Variants in ERCC6L2 observed in about 807,000 individuals in gnomAD.
ERCC6L2 encodes the protein DNA excision repair protein ERCC-6-like 2.
A neutral mutation model predicts 132.0 loss-of-function variants in ERCC6L2; 77 were observed. That is an observed-to-expected ratio of 0.58 (90% CI 0.49 to 0.71). The LOEUF is 0.71. Ranked by LOEUF, ERCC6L2 falls within the 30% of genes least tolerant of loss-of-function variation. The pLI, the probability that ERCC6L2 is intolerant of heterozygous loss-of-function variation, is 0.00. For synonymous variants in ERCC6L2, 583 were observed against 632.4 expected, an observed-to-expected ratio of 0.92 and a Z score of 1.17; for missense variants, 1,542 against 1,837.6, an observed-to-expected ratio of 0.84 and a Z score of 2.94.
At position 95,972,253 on chromosome 9, in the gene ERCC6L2, T is replaced by C. The variant is rs1328244990; in HGVS notation, c.2502T>C (p.Ala834=). 3.8e-6 allele frequency: 5 copies of C among 1,303,940 alleles called. No homozygotes were observed. The highest frequency in any genetic ancestry group is 5.5e-5 in the East Asian group (1 of 18,040). 80.8% of individuals were successfully genotyped at this position (1,303,940 alleles called of 1,614,324 possible). ...GCCTTTCAACAGAAGCCAAAGATGCTGGTTGTGAGAAAAATCAGGACTCTC... is the reference window on the plus strand; with the variant it reads ...GCCTTTCAACAGAAGCCAAAGATGCCGGTTGTGAGAAAAATCAGGACTCTC... ...PTCLSTEAKD[A]GCEKNQDSLG... The change falls in exon 16 of 19, where the codon GCT becomes GCC. Residue 834 remains alanine, a synonymous_variant. Transcript: ENST00000653738.
At chr9:95,978,430 T>G (rs1304352915) in intron 17 of ERCC6L2, among the ~76,000 whole-genome samples, 1 of 152,168 alleles carries the variant, frequency 6.6e-6, no homozygotes, top group Non-Finnish European at 1.5e-5. Context: ...CTAATCATGT[T>G]GAGTTGCTTA....
intron 18 of ERCC6L2, chr9:96,004,907 A>G (rs1833814997): frequency 2.9e-6 from 1 of 339,282 alleles, no homozygotes. Flanking sequence ...AAGGGAAATC[A>G]TGTTATACAA....
At chr9:96,008,554 A>G (rs868145389) in intron 18 of ERCC6L2, among the ~76,000 whole-genome samples, 7 of 152,336 alleles carry the variant, frequency 4.6e-5, no homozygotes, top group Admixed American at 6.5e-5. Flanking sequence ...TCGTCCTTCA[A>G]TGCTCATGAA....
At chr9:95,984,325 G>T (rs1036603125) in intron 17 of ERCC6L2, among the ~76,000 whole-genome samples, 1 of 149,366 alleles carries the variant, frequency 6.7e-6, no homozygotes, top group Non-Finnish European at 1.5e-5. Flanking sequence ...TATTATATGT[G>T]TATATATATA....
At chr9:95,954,811 T>A in intron 12 of ERCC6L2, 1 of 471,176 alleles carries the variant, frequency 2.1e-6, no homozygotes, top group Non-Finnish European at 4.4e-6. Flanking sequence ...GAGAATGCAG[T>A]ACCTTACCCC....
intron 17 of ERCC6L2, among the ~76,000 whole-genome samples, chr9:95,997,267 C>G (rs1833503565): frequency 1.3e-5 from 2 of 152,100 alleles, no homozygotes; most frequent in African/African-American, 4.8e-5. Context: ...AAGTTGATTC[C>G]AGCCCTCATG....
intron 13 of ERCC6L2, among the ~76,000 whole-genome samples, chr9:95,964,585 A>G (rs1832067047): frequency 6.6e-6 from 1 of 152,204 alleles, no homozygotes; most frequent in Non-Finnish European, 1.5e-5. Context: ...AAGATGCCAC[A>G]CTGCTGGCCT....
At chr9:95,963,532 C>A (rs11790491) in intron 13 of ERCC6L2, among the ~76,000 whole-genome samples, 2 of 151,882 alleles carry the variant, frequency 1.3e-5, no homozygotes. Context: ...CCCCACCCTC[C>A]ACACTCCTCT....
At chr9:96,037,374 C>T (rs553319021) in intron 19 of ERCC6L2, among the ~76,000 whole-genome samples, 11 of 152,322 alleles carry the variant, frequency 7.2e-5, no homozygotes, top group African/African-American at 2.2e-4. Context: ...CCAGAGAGGC[C>T]GGGGGCCTTG....
At chr9:96,030,073 C>T (rs1834434138) in intron 19 of ERCC6L2, among the ~76,000 whole-genome samples, 1 of 152,184 alleles carries the variant, frequency 6.6e-6, no homozygotes, top group Non-Finnish European at 1.5e-5. Flanking sequence ...TTCTGTCTTA[C>T]AAGAGGATTG....
intron 3 of ERCC6L2, among the ~76,000 whole-genome samples, chr9:95,903,367 A>T (rs1003393239): frequency 3.9e-5 from 6 of 152,060 alleles, no homozygotes; most frequent in African/African-American, 7.2e-5. Context: ...AATGTAATTT[A>T]TTATTTGGTA....
chr9:95,938,090 T>C (rs903866584), intron 11 of ERCC6L2, among the ~76,000 whole-genome samples: 2 of 151,986 alleles, frequency 1.3e-5, no homozygotes. Context: ...TCATGAGCTA[T>C]TTAGATGTAT....
In ERCC6L2 at chr9:95,917,086, A is replaced by C. The variant is rs113735566; in HGVS notation, c.1158+652A>C. Reference sequence around the variant, plus strand: ...CGTTGTCCTTCCTATACTGTGTACTATCCACCACACAGTGTATTCTTTGGT... The same window carrying C: ...CGTTGTCCTTCCTATACTGTGTACTCTCCACCACACAGTGTATTCTTTGGT... On this transcript the variant is annotated intron_variant, in intron 6 of 18. Transcript: ENST00000653738. Among the ~76,000 whole-genome samples, 1,292 of 152,286 alleles carry C rather than the reference A, an allele frequency of 8.5e-3. 22 individuals are homozygous for C. The highest frequency in any genetic ancestry group is 0.029 in the African/African-American group (1,213 of 41,564).
chr9:95,918,616 G>T, intron 6 of ERCC6L2: 1 of 275,612 alleles, frequency 3.6e-6, no homozygotes, highest in South Asian at 4.0e-5. Context: ...GCCTAGGACT[G>T]GCTTCATGTC....
Position 95,885,278 on chromosome 9 carries a change from C to T in ERCC6L2, c.471+3985C>T, listed in dbSNP as rs187058271. Among the ~76,000 whole-genome samples, 479 of 152,266 alleles carry T rather than the reference C, an allele frequency of 3.1e-3. 1 individual carries two copies. The highest frequency in any genetic ancestry group is 5.4e-3 in the Non-Finnish European group (369 of 68,004). On this transcript the variant is annotated intron_variant, in intron 2 of 18. Coordinates refer to ENST00000653738, the MANE Select transcript of ERCC6L2 (RefSeq NM_020207.7). ...TGTAATATCCATCCATCTTTTGTTG[C>T]ATTTTAAAATAGCAGACATTAATAC... is the stretch of plus-strand genomic sequence containing the variant.
At position 95,918,553 on chromosome 9, in the gene ERCC6L2, G is replaced by A. The variant is rs189540113; in HGVS notation, c.1158+2119G>A. The A allele has an allele frequency of 1.0e-2, 4,375 of 438,218 alleles. 36 individuals are homozygous for A. The highest frequency in any genetic ancestry group is 0.014 in the Middle Eastern group (21 of 1,510). 27.1% of individuals were successfully genotyped at this position (438,218 alleles called of 1,614,324 possible). ...AAAATGATGAATGGAAGTCATTACA[G>A]CTACTCTGAGAATTGTGTGGAAAAG... On this transcript the variant is annotated intron_variant, in intron 6 of 18. Coordinates refer to ENST00000653738, the MANE Select transcript of ERCC6L2 (RefSeq NM_020207.7).
intron 12 of ERCC6L2, among the ~76,000 whole-genome samples, chr9:95,945,233 GA>G (rs752293542): frequency 6.6e-6 from 1 of 152,162 alleles, no homozygotes; most frequent in Non-Finnish European, 1.5e-5. Context: ...CTGAGAAAAA[GA>G]ATTCAGCGAT....
chr9:95,932,074 CTT>C (rs1031441564), intron 11 of ERCC6L2, among the ~76,000 whole-genome samples: 10 of 141,872 alleles, frequency 7.0e-5, no homozygotes, highest in Admixed American at 7.0e-5. Flanking sequence ...GAAATGATCA[CTT>C]TTTTTTTTTT....
Position 95,972,526 on chromosome 9 carries a change from G to A in ERCC6L2, c.2775G>A (p.Leu925=), listed in dbSNP as rs1268646431. 4 of 1,289,738 alleles carry A rather than the reference G, an allele frequency of 3.1e-6. No homozygotes were observed. In the African/African-American group the frequency reaches 6.1e-5, roughly 20 times the overall value. The allele number at this position is 1,289,738 out of a possible 1,614,324, so 79.9% of individuals were successfully genotyped here. Residue 925 remains leucine, a synonymous_variant, in exon 16 of 19, where the codon TTG becomes TTA. Transcript: ENST00000653738. ...PDNSIRFKPP[L]EGSEDSETEH... is the part of the protein sequence containing the mutation. ...ATAGTATAAGGTTTAAGCCACCCTT[G>A]GAAGGATCTGAGGATTCTGAAACAG...
Sources: gnomAD v4.1 joint callset for allele counts (sites outside exome capture counted in the v4.1 genomes callset) on GRCh38, gnomAD v4.1.1 for gene constraint, MANE v1.5 for transcripts, NCBI Gene and HGNC (gene_info 2026-07-23, HGNC 2026-07-21) for gene names.